CFAP157: variants seen among roughly 807,000 people sequenced by gnomAD.
CFAP157 encodes cilia and flagella associated protein 157.
CFAP157 carries 43 observed loss-of-function variants against 57.8 expected under a neutral mutation model. That is an observed-to-expected ratio of 0.74 (90% CI 0.58 to 0.96). CFAP157 has a LOEUF of 0.96. Among genes scored for constraint, CFAP157 ranks in the 40% least tolerant of loss-of-function variants. The pLI, the probability that CFAP157 is intolerant of heterozygous loss-of-function variation, is 0.00. For missense variants in CFAP157, 606 were observed against 655.3 expected, an observed-to-expected ratio of 0.92 and a Z score of 0.82; for synonymous variants, 267 against 269.0, an observed-to-expected ratio of 0.99 and a Z score of 0.07.
At chr9:127,708,153 G>T (rs1388300080) in intron 1 of CFAP157, among the ~76,000 whole-genome samples, 2 of 152,186 alleles carry the variant, frequency 1.3e-5, no homozygotes, top group Non-Finnish European at 2.9e-5. Flanking sequence ...GTCACTATTT[G>T]AAAGATGTTG....
Position 127,714,346 on chromosome 9 carries a change from C to G in CFAP157, c.*441C>G, listed in dbSNP as rs771263623. 6.2e-7 allele frequency: 1 copy of G among 1,614,148 alleles called. No individual in the cohort carries two copies. Among genetic ancestry groups the G allele is most frequent in the South Asian group, 1.1e-5 (1 of 91,076 alleles). ...GGTGCTGGGGGACCCCTGGCCCACC[C>G]GACCCAGTTGCACAACAAAAGGGTA... is the stretch of plus-strand genomic sequence containing the variant. On this transcript the variant is annotated 3_prime_UTR_variant, in exon 9 of 9. Transcript: ENST00000373295.
Position 127,711,941 on chromosome 9 carries a change from A to G in CFAP157, c.977A>G (p.Gln326Arg), listed in dbSNP as rs947116480. 12 of 1,605,984 alleles carry G rather than the reference A, an allele frequency of 7.5e-6. No homozygotes were observed. Among genetic ancestry groups the G allele is most frequent in the Non-Finnish European group, 1.0e-5 (12 of 1,177,730 alleles). Reference sequence around the variant, plus strand: ...TCCCTGCAGCTGCAGGTGGATAACCAGGCACTGAAGTGCGTATGGCCCACG... The same window carrying G: ...TCCCTGCAGCTGCAGGTGGATAACCGGGCACTGAAGTGCGTATGGCCCACG... Reference protein sequence around the residue: ...QRSLQLQVDNQALKSQRDQLS... With the variant: ...QRSLQLQVDNRALKSQRDQLS... The change falls in exon 5 of 9, where the codon CAG (glutamine) becomes CGG (arginine). Residue 326 changes from glutamine (Q) to arginine (R), a missense_variant. Transcript: ENST00000373295.
Position 127,707,040 on chromosome 9 carries a change from CAA to C in CFAP157, c.13_14del (p.Lys5GlufsTer10), listed in dbSNP as rs1317712604. MAPKKSVSKAGKEL... is the reference protein window; with the variant it reads MAPXKSVSKAGKEL... ...CCTGGTTGCCATCAGCCATGGCTCCCAAAAAGAGTGTGAGCAAGGCAGGCAAG... is the reference window on the plus strand; with the variant it reads ...CCTGGTTGCCATCAGCCATGGCTCCCAAAGAGTGTGAGCAAGGCAGGCAAG... On this transcript the variant is annotated frameshift_variant, in exon 1 of 9. Transcript: ENST00000373295. LOFTEE classifies it high-confidence loss of function. 6.2e-7 allele frequency: 1 copy of C among 1,613,744 alleles called. No individual in the cohort carries two copies. Among genetic ancestry groups the C allele is most frequent in the South Asian group, 1.1e-5 (1 of 91,062 alleles).
rs773336497 is a variant in CFAP157, at chr9:127,715,469, T to C, written c.*1564T>C. ...AAACAGAGCAGCAATTTGGGGGCAC[T>C]CGGCTCCCGGGACATAATGGCCGAA... is the stretch of plus-strand genomic sequence containing the variant. On this transcript the variant is annotated 3_prime_UTR_variant, in exon 9 of 9. Coordinates refer to ENST00000373295, the MANE Select transcript of CFAP157 (RefSeq NM_001012502.3). The surrounding 1 kb of genome is among the most constrained non-coding windows in gnomAD (Gnocchi z 5.8). 7 of 1,598,486 alleles carry C rather than the reference T, an allele frequency of 4.4e-6. No homozygotes were observed. In the East Asian group the frequency reaches 1.6e-4, roughly 36 times the overall value.
chr9:127,712,922 G>C (rs1182720270), intron 7 of CFAP157, 47 bp downstream of exon 7: 2 of 1,591,694 alleles, frequency 1.3e-6, no homozygotes, highest in Non-Finnish European at 1.7e-6. Context: ...ACAGAGAGCA[G>C]GGCAAAGGCA....
chr9:127,709,579 A>C lies in CFAP157; in HGVS notation c.319A>C (p.Asn107His). The change falls in exon 2 of 9, where the codon AAC (asparagine) becomes CAC (histidine). Residue 107 changes from asparagine (N) to histidine (H), a missense_variant. Asn to His is a moderately conservative substitution (Grantham distance 68). Coordinates refer to ENST00000373295, the MANE Select transcript of CFAP157 (RefSeq NM_001012502.3). This position sits in a 1 kb window ranked among gnomAD's most constrained non-coding sequence, Gnocchi z 4.7. ...EITDLNEQLQ[N>H]LQLAKEMEKD... Reference sequence around the variant, plus strand: ...CACAGACCTCAACGAGCAGCTCCAGAACTTGCAGCTAGCCAAAGAGATGGA... The same window carrying C: ...CACAGACCTCAACGAGCAGCTCCAGCACTTGCAGCTAGCCAAAGAGATGGA... 4.3e-6 allele frequency: 7 copies of C among 1,614,064 alleles called. No individual in the cohort carries two copies. Among genetic ancestry groups the C allele is most frequent in the Non-Finnish European group, 5.9e-6 (7 of 1,180,014 alleles).
At chr9:127,713,758 C>A in intron 8 of CFAP157, 76 bp from the exon 9 acceptor site, 1 of 1,239,106 alleles carries the variant, frequency 8.1e-7, no homozygotes, top group Non-Finnish European at 1.2e-6. Context: ...CCCCCAGCCT[C>A]GGCCTCCCAA....
rs1204565430 is a variant in CFAP157, at chr9:127,712,104, G to A, written c.987-95G>A. 3.9e-6 allele frequency: 6 copies of A among 1,539,990 alleles called. No individual in the cohort carries two copies. In the African/African-American group the frequency reaches 6.8e-5, roughly 18 times the overall value. ...GGCTTGGGGCGGGATGGGGGCCCCT[G>A]TGGGCTTGGAGAGAAATGGCAGGGC... On this transcript the variant is annotated intron_variant, in intron 5 of 8. Coordinates refer to ENST00000373295, the MANE Select transcript of CFAP157 (RefSeq NM_001012502.3).
rs199968046 is a variant in CFAP157, at chr9:127,709,384, A to G, written c.162-38A>G. ...GCTGCACCAGAGGCCTGGCTTGCCC[A>G]GCCTGACCCCTGGACCACGGCTCTG... is the stretch of plus-strand genomic sequence containing the variant. On this transcript the variant is annotated intron_variant, in intron 1 of 8. Transcript: ENST00000373295. This position sits in a 1 kb window ranked among gnomAD's most constrained non-coding sequence, Gnocchi z 4.7. The G allele has an allele frequency of 1.8e-4, 285 of 1,599,614 alleles. 3 individuals carry two copies. The East Asian group carries it at 6.3e-3, about 36-fold the overall frequency.
chr9:127,712,847 T>TCA lies in CFAP157; in HGVS notation c.1279_1280dup (p.Gln427HisfsTer37). On this transcript the variant is annotated frameshift_variant, in exon 7 of 9. Transcript: ENST00000373295. LOFTEE classifies it high-confidence loss of function. ...GAAGGCTGCGTGTCCCCACCAGGAG[T>TCA]CACAGTCCCATGGCCCACCCAAGGA... is the stretch of plus-strand genomic sequence containing the variant. The TCA allele has an allele frequency of 6.2e-7, 1 of 1,612,728 alleles. No individual in the cohort carries two copies. Among genetic ancestry groups the TCA allele is most frequent in the South Asian group, 1.1e-5 (1 of 90,858 alleles).
In CFAP157 at chr9:127,707,139, G is replaced by A. The variant is rs763669646; in HGVS notation, c.108G>A (p.Glu36=). 8 of 1,613,680 alleles carry A rather than the reference G, an allele frequency of 5.0e-6. No homozygotes were observed. In the Admixed American group the frequency reaches 8.3e-5, roughly 17 times the overall value. Residue 36 remains glutamate, a synonymous_variant, in exon 1 of 9, where the codon GAG becomes GAA. Coordinates refer to ENST00000373295, the MANE Select transcript of CFAP157 (RefSeq NM_001012502.3). The stretch of plus-strand genomic sequence containing the variant: ...CCGTGGAGCCGCCTCTGGCCAAGGA[G>A]ATGAAGGAGTTCTACCACATCCAGA... The part of the protein sequence containing the change: ...VVAVEPPLAK[E]MKEFYHIQIR...
Position 127,715,033 on chromosome 9 carries a change from C to T in CFAP157, c.*1128C>T. ...TAAGCCGCCGTGGCCGGAGCAGGACCAGTTGGGCATCCCCCAGCGGGGCCA... is the reference window on the plus strand; with the variant it reads ...TAAGCCGCCGTGGCCGGAGCAGGACTAGTTGGGCATCCCCCAGCGGGGCCA... On this transcript the variant is annotated 3_prime_UTR_variant, in exon 9 of 9. Coordinates refer to ENST00000373295, the MANE Select transcript of CFAP157 (RefSeq NM_001012502.3). This position sits in a 1 kb window ranked among gnomAD's most constrained non-coding sequence, Gnocchi z 5.8. The T allele has an allele frequency of 6.6e-7, 1 of 1,522,992 alleles. No individual in the cohort carries two copies. The allele number at this position is 1,522,992 out of a possible 1,614,324, so 94.3% of individuals were successfully genotyped here. A position where few individuals can be genotyped will look rare whatever the true frequency, so the allele number is the denominator to read the frequency against.
intron 1 of CFAP157, 62 bp downstream of exon 1, chr9:127,707,254 C>CTGGGG (rs1461159833): frequency 6.4e-7 from 1 of 1,572,626 alleles, no homozygotes; most frequent in African/African-American, 1.4e-5. Context: ...CCAGGTGGCC[C>CTGGGG]CCATGCAGGT....
In CFAP157 at chr9:127,707,044, AAG is replaced by A. The variant is rs759857065; in HGVS notation, c.16_17del (p.Ser6CysfsTer9). Reference protein sequence around the residue: MAPKKSVSKAGKELE... With the variant: MAPKXSVSKAGKELE... The stretch of plus-strand genomic sequence containing the variant: ...GTTGCCATCAGCCATGGCTCCCAAA[AAG>A]AGTGTGAGCAAGGCAGGCAAGGAGC... On this transcript the variant is annotated frameshift_variant, in exon 1 of 9. Transcript: ENST00000373295. LOFTEE classifies it high-confidence loss of function. 2.5e-6 allele frequency: 4 copies of A among 1,613,728 alleles called. No homozygotes were observed. The South Asian group carries it at 3.3e-5, about 13-fold the overall frequency.
chr9:127,710,464 G>A lies in CFAP157; in HGVS notation c.434-137G>A, dbSNP rs1487590495. The A allele has an allele frequency of 9.7e-6, 10 of 1,027,426 alleles. No homozygotes were observed. The Admixed American group carries it at 1.2e-4, about 13-fold the overall frequency. 63.6% of individuals were successfully genotyped at this position (1,027,426 alleles called of 1,614,324 possible). On this transcript the variant is annotated intron_variant, in intron 2 of 8. Coordinates refer to ENST00000373295, the MANE Select transcript of CFAP157 (RefSeq NM_001012502.3). Reference sequence around the variant, plus strand: ...ACAGGGCCAGGCAGGGTAGGTGGGGGATGGTAGACCTGCCCCACTGAGACC... The same window carrying A: ...ACAGGGCCAGGCAGGGTAGGTGGGGAATGGTAGACCTGCCCCACTGAGACC...
rs775800130 is a variant in CFAP157, at chr9:127,713,016, AC to A, written c.1305-3del. Reference sequence around the variant, plus strand: ...CTCTGTGACCCTCGGCCCCCTCCCCACAGCCGGCCCAGCATCCAGCTGCCCA... The same window carrying A: ...CTCTGTGACCCTCGGCCCCCTCCCCAAGCCGGCCCAGCATCCAGCTGCCCA... On this transcript the variant is annotated splice_polypyrimidine_tract_variant and splice_region_variant and intron_variant, in intron 7 of 8. Transcript: ENST00000373295. The A allele has an allele frequency of 6.2e-7, 1 of 1,612,084 alleles. No individual in the cohort carries two copies. Among genetic ancestry groups the A allele is most frequent in the Admixed American group, 1.7e-5 (1 of 59,832 alleles).
chr9:127,708,191 T>C (rs997661173), intron 1 of CFAP157, among the ~76,000 whole-genome samples: 1 of 152,138 alleles, frequency 6.6e-6, no homozygotes, highest in Non-Finnish European at 1.5e-5. Context: ...GTAAAACAAC[T>C]TTCCAGGCCA....
chr9:127,712,604 G>A, intron 6 of CFAP157, 105 bp from the exon 7 acceptor site: 1 of 1,593,804 alleles, frequency 6.3e-7, no homozygotes, highest in Admixed American at 1.8e-5. Flanking sequence ...TCCCACCACA[G>A]ACAGGGAAAA....
chr9:127,710,293 A>AC (rs59610421), intron 2 of CFAP157, among the ~76,000 whole-genome samples: 2,138 of 151,996 alleles, frequency 0.014, 66 homozygotes, highest in African/African-American at 0.049. Flanking sequence ...AAAAAAAAAA[A>AC]AAAAAACAAA....
Sources: gnomAD v4.1 joint callset for allele counts (sites outside exome capture counted in the v4.1 genomes callset) on GRCh38, gnomAD v4.1.1 for gene constraint, Gnocchi (gnomAD v3.1) non-coding constraint, MANE v1.5 for transcripts, NCBI Gene and HGNC (gene_info 2026-07-23, HGNC 2026-07-21) for gene names.